Variants in PRKN observed in about 807,000 individuals in gnomAD.
PRKN encodes E3 ubiquitin-protein ligase parkin.
A neutral mutation model predicts 59.5 loss-of-function variants in PRKN; 56 were observed. The observed-to-expected ratio is 0.94, with a 90% CI of 0.76 to 1.18. PRKN has a LOEUF of 1.18. Among genes scored for constraint, PRKN ranks in the 50% most tolerant of loss-of-function variants. The probability of loss-of-function intolerance (pLI) is 0.00; values close to 1 mark genes in which losing one functional copy is unlikely to be tolerated. For synonymous variants in PRKN, 250 were observed against 222.1 expected (o/e 1.13, Z -1.12); for missense variants, 657 against 596.4 (o/e 1.10, Z -1.06).
chr6:161,532,433 G>A (rs113296874), intron 9 of PRKN, among the ~76,000 whole-genome samples: 45 of 152,052 alleles, frequency 3.0e-4, no homozygotes, highest in African/African-American at 1.1e-3. Flanking sequence ...TAGTGTGTGT[G>A]TGTGAGTGTG....
intron 4 of PRKN, among the ~76,000 whole-genome samples, chr6:162,106,399 C>CTTT (rs11398715): frequency 6.9e-6 from 1 of 144,444 alleles, no homozygotes. Context: ...GAGTGAATTC[C>CTTT]TTTTTTTTTT....
chr6:162,297,607 A>G (rs1205780108), intron 2 of PRKN, among the ~76,000 whole-genome samples: 4 of 152,190 alleles, frequency 2.6e-5, no homozygotes, highest in Non-Finnish European at 5.9e-5. Context: ...ATATATTCAT[A>G]TATTCTGTAA....
intron 5 of PRKN, among the ~76,000 whole-genome samples, chr6:162,053,588 C>T (rs1777735457): frequency 6.6e-6 from 1 of 152,044 alleles, no homozygotes. Context: ...GATGGTAATT[C>T]AATTACATCG....
In PRKN at chr6:161,581,274, A is replaced by G. The variant is rs1407119361; in HGVS notation, c.872-11858T>C. The stretch of plus-strand genomic sequence containing the variant: ...TTAAGAACTTTCATAGGCATGAGTA[A>G]AGCTACTGCAGTGAAAGAACCTGTC... On this transcript the variant is annotated intron_variant, in intron 7 of 11. Coordinates refer to ENST00000366898, the MANE Select transcript of PRKN (RefSeq NM_004562.3). This position sits in a 1 kb window ranked among gnomAD's most constrained non-coding sequence, Gnocchi z 4.5. 1.3e-5 allele frequency among the ~76,000 whole-genome samples: 2 copies of G among 152,150 alleles called. No homozygotes were observed. Among genetic ancestry groups the G allele is most frequent in the African/African-American group, 2.4e-5 (1 of 41,432 alleles).
intron 9 of PRKN, among the ~76,000 whole-genome samples, chr6:161,411,188 C>T (rs534014470): frequency 6.6e-6 from 1 of 152,174 alleles, no homozygotes; most frequent in East Asian, 1.9e-4. Flanking sequence ...GTGTCCCCAC[C>T]CAAATCTCAC....
At chr6:162,075,804 G>A (rs1778798887) in intron 4 of PRKN, among the ~76,000 whole-genome samples, 1 of 151,964 alleles carries the variant, frequency 6.6e-6, no homozygotes, top group Non-Finnish European at 1.5e-5. Flanking sequence ...CGTATGTAAC[G>A]AGCAGGCTTC....
chr6:161,933,044 C>T (rs909351383), intron 6 of PRKN, among the ~76,000 whole-genome samples: 2 of 152,136 alleles, frequency 1.3e-5, no homozygotes, highest in African/African-American at 4.8e-5. Context: ...CTTTGGGAGG[C>T]GGAGGCAGGC....
At chr6:161,430,334 A>T (rs188230899) in intron 9 of PRKN, among the ~76,000 whole-genome samples, 1 of 152,206 alleles carries the variant, frequency 6.6e-6, no homozygotes, top group Non-Finnish European at 1.5e-5. Context: ...CCCACCTCTT[A>T]ACACTATTAC....
intron 7 of PRKN, among the ~76,000 whole-genome samples, chr6:161,701,869 A>G (rs1289386251): frequency 6.6e-6 from 1 of 152,224 alleles, no homozygotes; most frequent in Non-Finnish European, 1.5e-5. Context: ...TCCCAAAAAA[A>G]TCTATGGGAA....
intron 6 of PRKN, among the ~76,000 whole-genome samples, chr6:161,928,682 A>C (rs1424037625): frequency 6.6e-6 from 1 of 152,198 alleles, no homozygotes; most frequent in Non-Finnish European, 1.5e-5. Flanking sequence ...GAATTACAAC[A>C]GCTGACCTAG....
chr6:161,879,100 A>G (rs1054533755), intron 6 of PRKN, among the ~76,000 whole-genome samples: 9 of 152,010 alleles, frequency 5.9e-5, no homozygotes, highest in Admixed American at 3.3e-4. Context: ...CAGATTCTAT[A>G]TTTTCACAGC....
At chr6:161,795,431 G>A (rs558989569) in intron 6 of PRKN, among the ~76,000 whole-genome samples, 1 of 150,524 alleles carries the variant, frequency 6.6e-6, no homozygotes, top group Non-Finnish European at 1.5e-5. Flanking sequence ...ATGGGGTCTC[G>A]CCATGTTGGC....
At chr6:162,469,540 T>C (rs1203216047) in intron 1 of PRKN, among the ~76,000 whole-genome samples, 1 of 150,572 alleles carries the variant, frequency 6.6e-6, no homozygotes, top group African/African-American at 2.5e-5. Flanking sequence ...ATACACATAC[T>C]ACTCAGCCAT....
intron 2 of PRKN, among the ~76,000 whole-genome samples, chr6:162,346,435 G>A (rs1291054325): frequency 6.8e-6 from 1 of 146,960 alleles, no homozygotes; most frequent in Non-Finnish European, 1.5e-5. Context: ...GGGCAACATA[G>A]TGAAAAATCT....
chr6:161,881,203 C>CTAAT (rs1245834625), intron 6 of PRKN, among the ~76,000 whole-genome samples: 2 of 152,136 alleles, frequency 1.3e-5, no homozygotes, highest in African/African-American at 4.8e-5. Flanking sequence ...ACATGTCATC[C>CTAAT]TAATGCCCCC....
Position 161,484,983 on chromosome 6 carries a change from T to A in PRKN, c.1083+63871A>T, listed in dbSNP as rs977563315. 6.6e-6 allele frequency among the ~76,000 whole-genome samples: 1 copy of A among 152,178 alleles called. No homozygotes were observed. Among genetic ancestry groups the A allele is most frequent in the Non-Finnish European group, 1.5e-5 (1 of 68,038 alleles). ...CTTTGAGGCAAAAATCAGGTCGGAC[T>A]AGCATCAGTGGCAAAGGAACCAGTC... On this transcript the variant is annotated intron_variant, in intron 9 of 11. Transcript: ENST00000366898. The surrounding 1 kb of genome is among the most constrained non-coding windows in gnomAD (Gnocchi z 4.9).
At chr6:162,210,469 C>T (rs1785158252) in intron 3 of PRKN, among the ~76,000 whole-genome samples, 1 of 152,176 alleles carries the variant, frequency 6.6e-6, no homozygotes, top group Non-Finnish European at 1.5e-5. Flanking sequence ...CCTACTTCCT[C>T]AGGTGGCTAC....
At chr6:161,574,409 A>G (rs1050099585) in intron 7 of PRKN, among the ~76,000 whole-genome samples, 2 of 152,164 alleles carry the variant, frequency 1.3e-5, no homozygotes, top group African/African-American at 4.8e-5. Flanking sequence ...ATGCCCTTTA[A>G]GCATCACCTC....
intron 2 of PRKN, among the ~76,000 whole-genome samples, chr6:162,319,944 T>A (rs1394687984): frequency 1.3e-5 from 2 of 151,836 alleles, no homozygotes; most frequent in African/African-American, 4.8e-5. Flanking sequence ...TTAGGTAACT[T>A]CTCATCATTC....
Sources: gnomAD v4.1 joint callset for allele counts (sites outside exome capture counted in the v4.1 genomes callset) on GRCh38, gnomAD v4.1.1 for gene constraint, Gnocchi (gnomAD v3.1) non-coding constraint, MANE v1.5 for transcripts, NCBI Gene and HGNC (gene_info 2026-07-23, HGNC 2026-07-21) for gene names.